RHOBTB2: variants seen among roughly 807,000 people sequenced by gnomAD.
The protein encoded by RHOBTB2 is rho-related BTB domain-containing protein 2.
A neutral mutation model predicts 66.5 loss-of-function variants in RHOBTB2; 39 were observed. The observed-to-expected ratio is 0.59, with a 90% confidence interval of 0.45 to 0.77. The LOEUF is 0.77. Among genes scored for constraint, RHOBTB2 ranks in the 30% least tolerant of loss-of-function variants. The pLI is 0.00. For missense variants in RHOBTB2, 755 were observed against 999.1 expected (o/e 0.76, Z 3.29); for synonymous variants, 390 against 395.0 (o/e 0.99, Z 0.15).
At chr8:22,952,331 C>T in the RHOBTB2 span, among the ~76,000 whole-genome samples, 2 of 152,132 alleles carry the variant, frequency 1.3e-5, no homozygotes, top group Admixed American at 1.3e-4. Flanking sequence ...TGCTCGCTCC[C>T]TCCTCTGCAT....
chr8:22,962,257 A>G, the RHOBTB2 span, among the ~76,000 whole-genome samples: 3 of 7,384 alleles, frequency 4.1e-4, no homozygotes, highest in African/African-American at 2.3e-3. Context: ...AATTAAAATG[A>G]AAAAAAAAAA....
At chr8:23,000,638 C>G (rs180973746) in intron 1 of RHOBTB2, among the ~76,000 whole-genome samples, 1 of 152,128 alleles carries the variant, frequency 6.6e-6, no homozygotes, top group Non-Finnish European at 1.5e-5. Context: ...TTTCTTTAAT[C>G]TGACCATTCA....
At chr8:22,995,322 T>C (rs1028466907), upstream of RHOBTB2, among the ~76,000 whole-genome samples, 3 of 151,958 alleles carry the variant, frequency 2.0e-5, no homozygotes, top group African/African-American at 7.3e-5. Context: ...TTACGAAAGC[T>C]CCCCTGCCGG....
chr8:22,999,784 G>C lies in RHOBTB2; in HGVS notation c.-332G>C. 1.0e-6 allele frequency: 1 copy of C among 985,020 alleles called. No individual in the cohort carries two copies. Among genetic ancestry groups the C allele is most frequent in the Non-Finnish European group, 1.2e-6 (1 of 831,228 alleles). The allele number at this position is 985,020 out of a possible 1,614,324, so 61.0% of individuals were successfully genotyped here. A position where few individuals can be genotyped will look rare whatever the true frequency, so the allele number is the denominator to read the frequency against. The stretch of plus-strand genomic sequence containing the variant: ...CTCCCGGCGCCCCTGCGCGCCGCCC[G>C]CTGCCTCCGCAGCCCGGCTCCGCGC... On this transcript the variant is annotated 5_prime_UTR_variant, in exon 1 of 10. Coordinates refer to ENST00000251822, the MANE Select transcript of RHOBTB2 (RefSeq NM_015178.3).
At chr8:22,979,742 C>CTTTTTTTTTTTTT in the RHOBTB2 span, among the ~76,000 whole-genome samples, 3 of 84,094 alleles carry the variant, frequency 3.6e-5, no homozygotes, top group African/African-American at 4.6e-5. Flanking sequence ...TCTTTTCTTT[C>CTTTTTTTTTTTTT]TTTTTTTTTT....
At chr8:22,978,189 G>C in the RHOBTB2 span, 1 of 151,656 alleles carries the variant, frequency 6.6e-6, no homozygotes, top group East Asian at 1.9e-4. Context: ...ATAAAAAATC[G>C]GTATTTAGGA....
chr8:22,963,555 CAACT>C, the RHOBTB2 span, among the ~76,000 whole-genome samples: 1 of 151,310 alleles, frequency 6.6e-6, no homozygotes, highest in Non-Finnish European at 1.5e-5. Context: ...GAGTAATTAC[CAACT>C]GTTTTAGTCC....
At chr8:23,000,489 C>T (rs184969247) in intron 1 of RHOBTB2, among the ~76,000 whole-genome samples, 119 of 152,284 alleles carry the variant, frequency 7.8e-4, no homozygotes, top group African/African-American at 2.7e-3. Context: ...CTGGCGGTTC[C>T]GGAGCTGGTT....
At chr8:23,011,330 A>T (rs1367606414) in intron 7 of RHOBTB2, among the ~76,000 whole-genome samples, 1 of 152,206 alleles carries the variant, frequency 6.6e-6, no homozygotes, top group Non-Finnish European at 1.5e-5. Context: ...AAGCTTAAGA[A>T]GTCAAAAAAT....
Position 23,004,419 on chromosome 8 carries a change from C to T in RHOBTB2, c.-10-6C>T, listed in dbSNP as rs757703083. 2 of 1,613,646 alleles carry T rather than the reference C, an allele frequency of 1.2e-6. No homozygotes were observed. The highest frequency in any genetic ancestry group is 1.7e-6 in the Non-Finnish European group (2 of 1,179,550). On this transcript the variant is annotated splice_region_variant and splice_polypyrimidine_tract_variant and intron_variant, in intron 1 of 9. Coordinates refer to ENST00000251822, the MANE Select transcript of RHOBTB2 (RefSeq NM_015178.3). The surrounding 1 kb of genome is among the most constrained non-coding windows in gnomAD (Gnocchi z 6.4). Reference sequence around the variant, plus strand: ...CCGTCCTGACCGCCTCCCTCCTCTCCCTCAGGTCCCGTTTAATGGATTCTG... The same window carrying T: ...CCGTCCTGACCGCCTCCCTCCTCTCTCTCAGGTCCCGTTTAATGGATTCTG...
upstream of RHOBTB2, among the ~76,000 whole-genome samples, chr8:22,996,827 A>T (rs933064521): frequency 3.3e-5 from 5 of 152,066 alleles, no homozygotes; most frequent in African/African-American, 1.2e-4. Flanking sequence ...CTGGTGGGGA[A>T]GCCTGGCCTC....
Position 23,017,430 on chromosome 8 carries a change from CTCCTCCTCATCCCCATCT to C in RHOBTB2, c.2154_2171del (p.Ser719_Ser724del). 1.2e-6 allele frequency: 2 copies of C among 1,608,294 alleles called. No individual in the cohort carries two copies. Among genetic ancestry groups the C allele is most frequent in the Non-Finnish European group, 1.7e-6 (2 of 1,177,286 alleles). On this transcript the variant is annotated inframe_deletion, in exon 10 of 10. Transcript: ENST00000251822. The surrounding 1 kb of genome is among the most constrained non-coding windows in gnomAD (Gnocchi z 5.3). Reference sequence around the variant, plus strand: ...CATCCTCCCCGTCTTCCTCGGCAGCCTCCTCCTCATCCCCATCTTCCTCCTCGGCTGTGGTCTGAGATG... The same window carrying C: ...CATCCTCCCCGTCTTCCTCGGCAGCCTCCTCCTCGGCTGTGGTCTGAGATG...
At chr8:22,963,633 T>C in the RHOBTB2 span, among the ~76,000 whole-genome samples, 4 of 152,266 alleles carry the variant, frequency 2.6e-5, no homozygotes, top group African/African-American at 9.6e-5. Context: ...AGAGGTTTAA[T>C]TGGGCTTACA....
upstream of RHOBTB2, among the ~76,000 whole-genome samples, chr8:22,983,091 A>T (rs1810235122): frequency 6.6e-6 from 1 of 152,348 alleles, no homozygotes; most frequent in East Asian, 1.9e-4. Flanking sequence ...ATCATAGCAC[A>T]TAACAACATA....
upstream of RHOBTB2, among the ~76,000 whole-genome samples, chr8:22,996,615 G>C (rs142259187): frequency 3.2e-3 from 482 of 150,532 alleles, 7 homozygotes; most frequent in African/African-American, 0.011. Flanking sequence ...GAGAAAGAAA[G>C]AGGCCAGGAG....
chr8:22,955,323 G>A, the RHOBTB2 span, among the ~76,000 whole-genome samples: 1,306 of 152,228 alleles, frequency 8.6e-3, 17 homozygotes, highest in African/African-American at 0.029. Flanking sequence ...CCCCTGCACC[G>A]CCTTTCGGAA....
At chr8:22,956,468 C>A in the RHOBTB2 span, among the ~76,000 whole-genome samples, 1 of 151,986 alleles carries the variant, frequency 6.6e-6, no homozygotes, top group Non-Finnish European at 1.5e-5. Flanking sequence ...TAGCCCCTCC[C>A]CCTCCTCCTC....
At chr8:22,968,855 T>C in the RHOBTB2 span, among the ~76,000 whole-genome samples, 1 of 151,248 alleles carries the variant, frequency 6.6e-6, no homozygotes, top group African/African-American at 2.4e-5. Context: ...AAAATATTTA[T>C]ATGATATTGG....
At position 23,004,566 on chromosome 8, in the gene RHOBTB2, G is replaced by A. The variant is rs1810891129; in HGVS notation, c.132G>A (p.Gln44=). The change falls in exon 2 of 10, where the codon CAG becomes CAA. Residue 44 remains glutamine, a synonymous_variant. Transcript: ENST00000251822. The surrounding 1 kb of genome is among the most constrained non-coding windows in gnomAD (Gnocchi z 6.4). ...GCAATGCCACCCTCACCCAGTACCA[G>A]CTGCTGGCCACGCATGTGCCCACAG... ...RACNATLTQY[Q]LLATHVPTVW... 2.5e-6 allele frequency: 4 copies of A among 1,614,158 alleles called. No individual in the cohort carries two copies. In the East Asian group the frequency reaches 8.9e-5, roughly 36 times the overall value.
Sources: gnomAD v4.1 joint callset for allele counts (sites outside exome capture counted in the v4.1 genomes callset) on GRCh38, gnomAD v4.1.1 for gene constraint, Gnocchi (gnomAD v3.1) non-coding constraint, MANE v1.5 for transcripts, NCBI Gene and HGNC (gene_info 2026-07-23, HGNC 2026-07-21) for gene names.